The following CAPN2 variants were observed in gnomAD, a reference collection of about 807,000 sequenced individuals.
CAPN2 encodes the protein calpain 2, also known as calpain-2 catalytic subunit.
In CAPN2, 92 loss-of-function variants were observed where a neutral mutation model predicts 102.3. That is an observed-to-expected ratio of 0.90 (90% CI 0.76 to 1.07). The LOEUF (loss-of-function observed/expected upper bound fraction) is 1.07, where lower values mean the gene tolerates loss of function less well. Among genes scored for constraint, CAPN2 ranks in the 50% least tolerant of loss-of-function variants. The pLI, the probability that CAPN2 is intolerant of heterozygous loss-of-function variation, is 0.00. For synonymous variants in CAPN2, 340 were observed against 355.4 expected (o/e 0.96, Z 0.49); for missense variants, 800 against 909.4 (o/e 0.88, Z 1.55).
chr1:223,771,406 G>C (rs1455460584), intron 18 of CAPN2: 1 of 163,572 alleles, frequency 6.1e-6, no homozygotes, highest in East Asian at 1.8e-4. Flanking sequence ...ATTTTACTCT[G>C]GAAGGAGAGA....
chr1:223,760,287 A>G (rs1180654847), intron 12 of CAPN2, among the ~76,000 whole-genome samples: 1 of 152,178 alleles, frequency 6.6e-6, no homozygotes, highest in African/African-American at 2.4e-5. Context: ...TGAGGTCTAA[A>G]GATCTTGTGG....
intron 2 of CAPN2, among the ~76,000 whole-genome samples, chr1:223,722,447 C>T (rs776190348): frequency 4.6e-5 from 7 of 151,588 alleles, no homozygotes; most frequent in Non-Finnish European, 1.0e-4. Context: ...ACCACCTCAC[C>T]TGGCTAATTT....
chr1:223,730,719 G>A (rs1278882386), intron 2 of CAPN2, among the ~76,000 whole-genome samples: 2 of 152,064 alleles, frequency 1.3e-5, no homozygotes, highest in African/African-American at 2.4e-5. Flanking sequence ...GAGGCATGAC[G>A]GACCTCCCTT....
At position 223,774,927 on chromosome 1, in the gene CAPN2, TAC is replaced by T; in HGVS notation, c.*73_*74del. On this transcript the variant is annotated 3_prime_UTR_variant, in exon 21 of 21. Coordinates refer to ENST00000295006, the MANE Select transcript of CAPN2 (RefSeq NM_001748.5). ...GCCAAGGACTAAGCTTCCATAGAAA[TAC>T]ACTTTGTATCTGGACCTCAAAATTA... 1.5e-6 allele frequency: 2 copies of T among 1,337,872 alleles called. No individual in the cohort carries two copies. The highest frequency in any genetic ancestry group is 2.4e-5 in the South Asian group (2 of 81,874). The allele number at this position is 1,337,872 out of a possible 1,614,324, so 82.9% of individuals were successfully genotyped here. A position where few individuals can be genotyped will look rare whatever the true frequency, so the allele number is the denominator to read the frequency against.
At position 223,761,597 on chromosome 1, in the gene CAPN2, A is replaced by C. The variant is rs1261602459; in HGVS notation, c.1546A>C (p.Ile516Leu). 6.2e-7 allele frequency: 1 copy of C among 1,612,938 alleles called. No homozygotes were observed. Among genetic ancestry groups the C allele is most frequent in the African/African-American group, 1.3e-5 (1 of 74,900 alleles). The part of the protein sequence containing the change: ...KADYQAVDDE[I>L]EANLEEFDIS... ...TATTTCCAGAGCTGTCGATGATGAAATCGAGGCCAATCTTGAAGAGGTATT... is the reference window on the plus strand; with the variant it reads ...TATTTCCAGAGCTGTCGATGATGAACTCGAGGCCAATCTTGAAGAGGTATT... The change falls in exon 13 of 21, where the codon ATC (isoleucine) becomes CTC (leucine). Residue 516 changes from isoleucine (I) to leucine (L), a missense_variant. Transcript: ENST00000295006.
intron 11 of CAPN2, chr1:223,758,006 A>G (rs1479981609): frequency 6.6e-6 from 1 of 152,226 alleles, no homozygotes; most frequent in Non-Finnish European, 1.5e-5. Flanking sequence ...GACTACAGGC[A>G]CGCACCAGGA....
chr1:223,730,026 A>G (rs1201035740), intron 2 of CAPN2, among the ~76,000 whole-genome samples: 1 of 151,570 alleles, frequency 6.6e-6, no homozygotes, highest in East Asian at 1.9e-4. Flanking sequence ...AAAAAAAAAA[A>G]AAAAAAAAAC....
In CAPN2 at chr1:223,752,883, GA is replaced by G; in HGVS notation, c.1064del (p.Lys355SerfsTer29). ...PDTLTSDTYK[K>X]WKLTKMDGNW... ...ACACTCTCACCAGCGATACCTACAA[GA>G]AGTGGAAACTCACCAAAATGGATGG... On this transcript the variant is annotated frameshift_variant, in exon 9 of 21. Coordinates refer to ENST00000295006, the MANE Select transcript of CAPN2 (RefSeq NM_001748.5). LOFTEE classifies it high-confidence loss of function. 1 of 1,614,206 alleles carries G rather than the reference GA, an allele frequency of 6.2e-7. No homozygotes were observed. Among genetic ancestry groups the G allele is most frequent in the South Asian group, 1.1e-5 (1 of 91,092 alleles).
rs768124519 is a variant in CAPN2, at chr1:223,771,864, C to A, written c.1959C>A (p.Asp653Glu). The A allele has an allele frequency of 1.2e-6, 2 of 1,613,992 alleles. No individual in the cohort carries two copies. The highest frequency in any genetic ancestry group is 2.2e-5 in the East Asian group (1 of 44,890). Residue 653 changes from aspartate (D) to glutamate (E), a missense_variant, in exon 19 of 21, where the codon GAC becomes GAA. By Grantham distance (45) the Asp-to-Glu change is conservative. Transcript: ENST00000295006. ...TCATCGTTGCTCGGTTTGCAGATGA[C>A]CAGCTCATCATCGATTTTGATAATT... is the stretch of plus-strand genomic sequence containing the variant. ...HQVIVARFAD[D>E]QLIIDFDNFV...
In CAPN2 at chr1:223,717,754, G is replaced by T. The variant is rs779062011; in HGVS notation, c.238-8G>T. 1 of 1,613,548 alleles carries T rather than the reference G, an allele frequency of 6.2e-7. No individual in the cohort carries two copies. The highest frequency in any genetic ancestry group is 2.2e-5 in the East Asian group (1 of 44,870). On this transcript the variant is annotated splice_region_variant and splice_polypyrimidine_tract_variant and intron_variant, in intron 1 of 20. Coordinates refer to ENST00000295006, the MANE Select transcript of CAPN2 (RefSeq NM_001748.5). ...AGGCTAACAGCACTTTGTGGGTCTC[G>T]TTCCCAGGAGATCTGCGCTGACCCC...
Position 223,774,803 on chromosome 1 carries a change from T to C in CAPN2, c.2080-31T>C, listed in dbSNP as rs756804214. 20 of 1,608,936 alleles carry C rather than the reference T, an allele frequency of 1.2e-5. No individual in the cohort carries two copies. The South Asian group carries it at 2.2e-4, about 18-fold the overall frequency. The stretch of plus-strand genomic sequence containing the variant: ...AGCCTTTAATTTTAAAAGTGGTCAC[T>C]GAGCTGACTTTTTTTTTTCCTTCCT... On this transcript the variant is annotated intron_variant, in intron 20 of 20. Transcript: ENST00000295006.
upstream of CAPN2, among the ~76,000 whole-genome samples, chr1:223,708,696 G>A (rs1380019455): frequency 3.3e-5 from 5 of 151,818 alleles, no homozygotes; most frequent in African/African-American, 1.2e-4. Context: ...ACTTGCACCC[G>A]GGAGGCGAAG....
chr1:223,711,005 G>GAA (rs1363652645), upstream of CAPN2, among the ~76,000 whole-genome samples: 1 of 152,166 alleles, frequency 6.6e-6, no homozygotes, highest in Admixed American at 6.5e-5. Context: ...CATGGCAAAA[G>GAA]AAACTTTCTA....
intron 1 of CAPN2, 42 bp downstream of exon 1, chr1:223,712,919 G>C: frequency 7.0e-7 from 1 of 1,426,606 alleles, no homozygotes; most frequent in Non-Finnish European, 9.3e-7. Flanking sequence ...CGGGGTGCCG[G>C]GCAGGGCGGG....
At chr1:223,703,958 A>T (rs1659544056) in intron 1 of CAPN2, among the ~76,000 whole-genome samples, 1 of 152,208 alleles carries the variant, frequency 6.6e-6, no homozygotes, top group Non-Finnish European at 1.5e-5. Flanking sequence ...CCTCTCATGA[A>T]CATCTCATGA....
At chr1:223,740,094 A>G (rs1015054130) in intron 2 of CAPN2, among the ~76,000 whole-genome samples, 3 of 152,164 alleles carry the variant, frequency 2.0e-5, no homozygotes, top group Admixed American at 1.3e-4. Context: ...CTGGACCCTC[A>G]GCTGGGAAAG....
At chr1:223,702,494 A>C (rs1176168135) in intron 1 of CAPN2, among the ~76,000 whole-genome samples, 1 of 152,138 alleles carries the variant, frequency 6.6e-6, no homozygotes, top group African/African-American at 2.4e-5. Flanking sequence ...AGGAAGGAAA[A>C]TAAACTACAT....
upstream of CAPN2, among the ~76,000 whole-genome samples, chr1:223,709,919 G>A (rs1397539481): frequency 6.6e-6 from 1 of 152,126 alleles, no homozygotes; most frequent in Non-Finnish European, 1.5e-5. Context: ...CTTACTTAGA[G>A]TTACTTAGGT....
chr1:223,771,854 T>G lies in CAPN2; in HGVS notation c.1949T>G (p.Phe650Cys). ...CQLHQVIVAR[F>C]ADDQLIIDFD... ...CTCCACCAAGTCATCGTTGCTCGGT[T>G]TGCAGATGACCAGCTCATCATCGAT... Residue 650 changes from phenylalanine to cysteine, a missense_variant, in exon 19 of 21, where the codon TTT (phenylalanine) becomes TGT (cysteine). Physicochemically the swap from Phe to Cys is radical, Grantham distance 205. Coordinates refer to ENST00000295006, the MANE Select transcript of CAPN2 (RefSeq NM_001748.5). 6.2e-7 allele frequency: 1 copy of G among 1,614,196 alleles called. No homozygotes were observed.
Sources: allele counts gnomAD v4.1 joint callset (sites outside exome capture counted in the v4.1 genomes callset), GRCh38; gene constraint gnomAD v4.1.1; transcripts MANE v1.5; gene names NCBI Gene and HGNC (gene_info 2026-07-23, HGNC 2026-07-21).